ALDH1A3: variants seen among roughly 807,000 people sequenced by gnomAD.
ALDH1A3 encodes aldehyde dehydrogenase 1 family member A3, also known as retinaldehyde dehydrogenase 3.
ALDH1A3 carries 28 observed loss-of-function variants against 57.5 expected under a neutral mutation model. That is an observed-to-expected ratio of 0.49 (90% CI 0.36 to 0.67). ALDH1A3 has a LOEUF of 0.67. ALDH1A3 is among the 30% of genes least tolerant of loss of function. The pLI is 0.00. For synonymous variants in ALDH1A3, 281 were observed against 264.8 expected, an observed-to-expected ratio of 1.06 and a Z score of -0.59; for missense variants, 507 against 669.4, an observed-to-expected ratio of 0.76 and a Z score of 2.68.
chr15:100,895,580 A>T, intron 6 of ALDH1A3: 2 of 240,306 alleles, frequency 8.3e-6, no homozygotes, highest in Non-Finnish European at 1.6e-5. Context: ...ACTCTCCCTC[A>T]CACACACACA....
At chr15:100,905,410 A>G (rs1290481227) in intron 9 of ALDH1A3, 113 bp from the exon 10 acceptor site, 1 of 1,329,066 alleles carries the variant, frequency 7.5e-7, no homozygotes, top group Non-Finnish European at 1.1e-6. Context: ...TCATGGCTTG[A>G]CAAGAACATG....
intron 12 of ALDH1A3, among the ~76,000 whole-genome samples, chr15:100,909,266 C>T (rs1375888458): frequency 8.5e-6 from 1 of 117,470 alleles, no homozygotes; most frequent in African/African-American, 3.3e-5. Context: ...TGCAAACCCA[C>T]TGCAAACCCC....
At chr15:100,901,353 G>A (rs968439970) in intron 9 of ALDH1A3, among the ~76,000 whole-genome samples, 2 of 152,192 alleles carry the variant, frequency 1.3e-5, no homozygotes, top group African/African-American at 4.8e-5. Flanking sequence ...TGAAGCAGAT[G>A]GATAAATATT....
In ALDH1A3 at chr15:100,887,793, AG is replaced by A; in HGVS notation, c.345+82del. ...TGTCCACCATGGGGTATGGGAAAAAAGATCACGGTCCTGGTTTTGTGTGGTC... is the reference window on the plus strand; with the variant it reads ...TGTCCACCATGGGGTATGGGAAAAAAATCACGGTCCTGGTTTTGTGTGGTC... On this transcript the variant is annotated intron_variant, in intron 3 of 12. Coordinates refer to ENST00000329841, the MANE Select transcript of ALDH1A3 (RefSeq NM_000693.4). This position sits in a 1 kb window ranked among gnomAD's most constrained non-coding sequence, Gnocchi z 4.6. The A allele has an allele frequency of 2.7e-6, 4 of 1,469,068 alleles. No individual in the cohort carries two copies. The highest frequency in any genetic ancestry group is 3.6e-6 in the Non-Finnish European group (4 of 1,104,778). 91.0% of individuals were successfully genotyped at this position (1,469,068 alleles called of 1,614,324 possible).
chr15:100,883,799 A>G (rs187159049), intron 1 of ALDH1A3, among the ~76,000 whole-genome samples: 1 of 152,280 alleles, frequency 6.6e-6, no homozygotes, highest in African/African-American at 2.4e-5. Context: ...TGTGGAGTTT[A>G]TACAGGAAGC....
At chr15:100,891,717 G>A (rs761323563) in intron 3 of ALDH1A3, among the ~76,000 whole-genome samples, 35 of 152,354 alleles carry the variant, frequency 2.3e-4, no homozygotes, top group Admixed American at 5.9e-4. Context: ...GTGTCAGGGC[G>A]GCCACTTCCT....
intron 3 of ALDH1A3, chr15:100,892,167 G>C: frequency 3.5e-6 from 1 of 289,178 alleles, no homozygotes; most frequent in South Asian, 3.5e-5. Context: ...AGAGGCCACT[G>C]TGCTACAGAT....
chr15:100,897,228 C>T (rs1043297631), intron 7 of ALDH1A3, among the ~76,000 whole-genome samples: 1 of 152,218 alleles, frequency 6.6e-6, no homozygotes. Context: ...GTTTAAAATG[C>T]GCTCACACCT....
At chr15:100,898,213 TGG>T (rs2041729436) in intron 8 of ALDH1A3, 28 bp downstream of exon 8, 1 of 1,599,114 alleles carries the variant, frequency 6.3e-7, no homozygotes, top group Non-Finnish European at 8.6e-7. Flanking sequence ...TGGGCTTTGC[TGG>T]GGCTTCAGGG....
rs972058857 is a variant in ALDH1A3, at chr15:100,894,855, T to C, written c.666+773T>C. 3.9e-5 allele frequency: 6 copies of C among 152,056 alleles called. No individual in the cohort carries two copies. Among genetic ancestry groups the C allele is most frequent in the African/African-American group, 9.7e-5 (4 of 41,400 alleles). 9.4% of individuals were successfully genotyped at this position (152,056 alleles called of 1,614,324 possible). On this transcript the variant is annotated intron_variant, in intron 6 of 12. Coordinates refer to ENST00000329841, the MANE Select transcript of ALDH1A3 (RefSeq NM_000693.4). The surrounding 1 kb of genome is among the most constrained non-coding windows in gnomAD (Gnocchi z 4.5). ...CTGGTGAGACTTAGGAATGTGAAAA[T>C]CCCAACTGTTAAGAAACAGTGCCTA...
At position 100,893,767 on chromosome 15, in the gene ALDH1A3, C is replaced by T; in HGVS notation, c.538-187C>T. On this transcript the variant is annotated intron_variant, in intron 5 of 12. Coordinates refer to ENST00000329841, the MANE Select transcript of ALDH1A3 (RefSeq NM_000693.4). The surrounding 1 kb of genome is among the most constrained non-coding windows in gnomAD (Gnocchi z 4.8). ...TTGCAAAGGCTGCCTATTAGTACCACCCAGAATGCAGTTTAGGAAGTGCTG... is the reference window on the plus strand; with the variant it reads ...TTGCAAAGGCTGCCTATTAGTACCATCCAGAATGCAGTTTAGGAAGTGCTG... 1.4e-6 allele frequency: 1 copy of T among 693,290 alleles called. No homozygotes were observed. The highest frequency in any genetic ancestry group is 2.6e-5 in the South Asian group (1 of 38,418). 42.9% of individuals were successfully genotyped at this position (693,290 alleles called of 1,614,324 possible). A position where few individuals can be genotyped will look rare whatever the true frequency, so the allele number is the denominator to read the frequency against.
At chr15:100,880,631 G>C (rs1421823306) in intron 1 of ALDH1A3, 1 of 161,430 alleles carries the variant, frequency 6.2e-6, no homozygotes, top group African/African-American at 2.4e-5. Flanking sequence ...AGAGGTCCCG[G>C]TGTTTACACA....
chr15:100,898,038 T>TCAGCAA, intron 7 of ALDH1A3, 45 bp from the exon 8 acceptor site: 1 of 1,582,482 alleles, frequency 6.3e-7, no homozygotes. Context: ...TGGGCCAAGT[T>TCAGCAA]CAGCAACATC....
intron 4 of ALDH1A3, 23 bp from the exon 5 acceptor site, chr15:100,892,922 C>T: frequency 1.2e-6 from 2 of 1,612,840 alleles, no homozygotes; most frequent in Non-Finnish European, 1.7e-6. Context: ...TGTGTCCTTC[C>T]CCACCATGTA....
At chr15:100,896,810 G>A (rs748905130) in intron 7 of ALDH1A3, among the ~76,000 whole-genome samples, 10 of 152,206 alleles carry the variant, frequency 6.6e-5, no homozygotes, top group Non-Finnish European at 1.3e-4. Flanking sequence ...AACAAGGAAA[G>A]CTGTCCATGA....
Position 100,879,898 on chromosome 15 carries a change from C to T in ALDH1A3, c.-10C>T, listed in dbSNP as rs2041527715. On this transcript the variant is annotated 5_prime_UTR_variant, in exon 1 of 13. Transcript: ENST00000329841. ...CTAGGGCGCCTCGGGCCAGGGAGCG[C>T]GGAGGAGCCATGGCCACCGCTAACG... The T allele has an allele frequency of 7.8e-6, 11 of 1,412,790 alleles. No homozygotes were observed. Among genetic ancestry groups the T allele is most frequent in the Non-Finnish European group, 9.3e-6 (10 of 1,078,222 alleles). The allele number at this position is 1,412,790 out of a possible 1,614,324, so 87.5% of individuals were successfully genotyped here. A position where few individuals can be genotyped will look rare whatever the true frequency, so the allele number is the denominator to read the frequency against.
intron 10 of ALDH1A3, among the ~76,000 whole-genome samples, chr15:100,905,903 G>A (rs1315529610): frequency 6.6e-6 from 1 of 152,080 alleles, no homozygotes; most frequent in Non-Finnish European, 1.5e-5. Flanking sequence ...CTCCAAGCAT[G>A]ATACAGCAGG....
rs2041631375 is a variant in ALDH1A3, at chr15:100,889,799, G to C, written c.345+2087G>C. ...ACCCAGCAAATCACTTCTGCCACTG[G>C]CACCTCGCAGCCCACGAGAAATAAG... On this transcript the variant is annotated intron_variant, in intron 3 of 12. Transcript: ENST00000329841. This position sits in a 1 kb window ranked among gnomAD's most constrained non-coding sequence, Gnocchi z 5.1. Among the ~76,000 whole-genome samples the C allele has an allele frequency of 6.6e-6, 1 of 152,182 alleles. No individual in the cohort carries two copies. The highest frequency in any genetic ancestry group is 1.5e-5 in the Non-Finnish European group (1 of 68,038).
intron 9 of ALDH1A3, among the ~76,000 whole-genome samples, chr15:100,901,283 G>T (rs574977223): frequency 1.3e-5 from 2 of 152,306 alleles, no homozygotes; most frequent in East Asian, 3.9e-4. Flanking sequence ...TCATAACCAC[G>T]AGATTTAATA....
Sources: gnomAD v4.1 joint callset for allele counts (sites outside exome capture counted in the v4.1 genomes callset) on GRCh38, gnomAD v4.1.1 for gene constraint, Gnocchi (gnomAD v3.1) non-coding constraint, MANE v1.5 for transcripts, NCBI Gene and HGNC (gene_info 2026-07-23, HGNC 2026-07-21) for gene names.